The following RANBP2 variants were observed in gnomAD, a reference collection of about 807,000 sequenced individuals.
RANBP2 encodes RAN binding protein 2, also known as E3 SUMO-protein ligase RanBP2.
In RANBP2, 57 loss-of-function variants were observed where a neutral mutation model predicts 303.6. That is an observed-to-expected ratio of 0.19 (90% CI 0.15 to 0.23). The LOEUF (loss-of-function observed/expected upper bound fraction) is 0.23, where lower values mean the gene tolerates loss of function less well. RANBP2 is among the 10% of genes least tolerant of loss of function. RANBP2 has a pLI of 1.00. For synonymous variants in RANBP2, 1,167 were observed against 1,301.5 expected (o/e 0.90, Z 2.23); for missense variants, 3,138 against 3,780.8 (o/e 0.83, Z 4.46).
At chr2:109,514,438 C>G in the RANBP2 span, among the ~76,000 whole-genome samples, 1 of 152,160 alleles carries the variant, frequency 6.6e-6, no homozygotes, top group Non-Finnish European at 1.5e-5. Context: ...GTGCACAGCT[C>G]AGACCTCCAT....
chr2:109,426,393 C>T, the RANBP2 span, among the ~76,000 whole-genome samples: 1 of 152,210 alleles, frequency 6.6e-6, no homozygotes, highest in Non-Finnish European at 1.5e-5. Flanking sequence ...TTCTTCCAAT[C>T]CTCATGGATG....
chr2:109,616,834 C>T, the RANBP2 span: 4 of 167,158 alleles, frequency 2.4e-5, no homozygotes, highest in African/African-American at 7.2e-5. Flanking sequence ...TTAAAGAGAA[C>T]ACTTAGCAGC....
chr2:109,077,365 T>TTCCACTTAATGAATAAAG, the RANBP2 span, among the ~76,000 whole-genome samples: 1 of 150,616 alleles, frequency 6.6e-6, no homozygotes, highest in Non-Finnish European at 1.5e-5. Flanking sequence ...GATGATCTGC[T>TTCCACTTAATGAATAAAG]TCCACTTAAT....
At chr2:109,680,284 C>T in the RANBP2 span, among the ~76,000 whole-genome samples, 11 of 151,234 alleles carry the variant, frequency 7.3e-5, no homozygotes, top group Middle Eastern at 3.4e-3. Context: ...ACCCCGGAGG[C>T]GGAGCTTGCA....
chr2:109,695,536 G>A, the RANBP2 span, among the ~76,000 whole-genome samples: 4 of 152,122 alleles, frequency 2.6e-5, no homozygotes, highest in East Asian at 7.7e-4. Context: ...CGGTGGGGCT[G>A]GTGGTTCAGC....
chr2:109,066,138 T>C, the RANBP2 span, among the ~76,000 whole-genome samples: 1 of 150,322 alleles, frequency 6.7e-6, no homozygotes, highest in Admixed American at 6.6e-5. Flanking sequence ...AGACATAGTA[T>C]CGCTCTGTCC....
the RANBP2 span, among the ~76,000 whole-genome samples, chr2:108,953,529 G>T: frequency 6.6e-6 from 1 of 152,228 alleles, no homozygotes; most frequent in East Asian, 1.9e-4. Context: ...AAGGCTCACG[G>T]TCCTGTGCTG....
At chr2:109,485,257 C>T in the RANBP2 span, among the ~76,000 whole-genome samples, 3 of 152,224 alleles carry the variant, frequency 2.0e-5, no homozygotes, top group Admixed American at 1.3e-4. Flanking sequence ...AGCCACCTGT[C>T]TCCACATGGC....
the RANBP2 span, among the ~76,000 whole-genome samples, chr2:108,858,804 G>T: frequency 6.6e-6 from 1 of 151,870 alleles, no homozygotes; most frequent in Non-Finnish European, 1.5e-5. Flanking sequence ...CGTCATTTAG[G>T]ATAATGGCAT....
At chr2:109,454,149 A>G in the RANBP2 span, among the ~76,000 whole-genome samples, 2 of 152,258 alleles carry the variant, frequency 1.3e-5, no homozygotes, top group Admixed American at 6.5e-5. Context: ...ACTGCTTAAT[A>G]TACACATTCA....
the RANBP2 span, among the ~76,000 whole-genome samples, chr2:108,880,570 G>A: frequency 3.3e-5 from 5 of 152,222 alleles, no homozygotes; most frequent in Non-Finnish European, 5.9e-5. Context: ...TAATGGAGCT[G>A]GTGACTTTGA....
At chr2:109,727,089 A>G in the RANBP2 span, among the ~76,000 whole-genome samples, 15 of 152,352 alleles carry the variant, frequency 9.8e-5, no homozygotes, top group Non-Finnish European at 1.8e-4. Flanking sequence ...AGCACTGTGC[A>G]TCACCTTCAC....
At chr2:108,955,798 G>C in the RANBP2 span, among the ~76,000 whole-genome samples, 3 of 152,144 alleles carry the variant, frequency 2.0e-5, no homozygotes, top group Non-Finnish European at 4.4e-5. Flanking sequence ...AGGCCGAGGC[G>C]GGCAGACCAC....
chr2:108,727,056 A>T (rs1694777062), intron 1 of RANBP2, among the ~76,000 whole-genome samples: 1 of 152,112 alleles, frequency 6.6e-6, no homozygotes, highest in South Asian at 2.1e-4. Flanking sequence ...CACGGCAACC[A>T]TCCGATTTCT....
chr2:109,024,344 A>G, the RANBP2 span, among the ~76,000 whole-genome samples: 6 of 152,346 alleles, frequency 3.9e-5, no homozygotes, highest in African/African-American at 1.2e-4. Context: ...CAAAATATCA[A>G]TTCAAGTCTG....
the RANBP2 span, among the ~76,000 whole-genome samples, chr2:109,086,006 A>C: frequency 6.6e-6 from 1 of 152,206 alleles, no homozygotes; most frequent in South Asian, 2.1e-4. Context: ...TAGGGAGTTC[A>C]TATTAGTGGA....
chr2:108,772,883 G>A lies in RANBP2; in HGVS notation c.8129G>A (p.Cys2710Tyr). 1 of 1,613,852 alleles carries A rather than the reference G, an allele frequency of 6.2e-7. No individual in the cohort carries two copies. The highest frequency in any genetic ancestry group is 8.5e-7 in the Non-Finnish European group (1 of 1,179,876). ...EENTADNEKECIIVWEKKPTV... is the reference protein window; with the variant it reads ...EENTADNEKEYIIVWEKKPTV... ...GATTTTTCAGATAATGAGAAAGAAT[G>A]TATTATTGTTTGGGAAAAGAAACCA... Residue 2710 changes from cysteine (C) to tyrosine (Y), a missense_variant, in exon 23 of 29, where the codon TGT becomes TAT. Physicochemically the swap from Cys to Tyr is radical, Grantham distance 194. Around this residue, in one of 20 missense-constraint regions of RANBP2, gnomAD observed 497 missense variants for 465.8 expected, o/e 1.07. Coordinates refer to ENST00000283195, the MANE Select transcript of RANBP2 (RefSeq NM_006267.5).
chr2:109,012,191 C>T, the RANBP2 span, among the ~76,000 whole-genome samples: 2 of 152,190 alleles, frequency 1.3e-5, no homozygotes, highest in African/African-American at 4.8e-5. Flanking sequence ...AGAGCCACAT[C>T]TTTGGGAACT....
At chr2:109,144,673 C>T in the RANBP2 span, among the ~76,000 whole-genome samples, 2 of 152,226 alleles carry the variant, frequency 1.3e-5, no homozygotes, top group African/African-American at 4.8e-5. Context: ...TTCCCCGAGT[C>T]CTTATGCCAC....
Sources: allele counts gnomAD v4.1 joint callset (sites outside exome capture counted in the v4.1 genomes callset), GRCh38; gene constraint gnomAD v4.1.1; regional missense constraint gnomAD v4.1.1; transcripts MANE v1.5; gene names NCBI Gene and HGNC (gene_info 2026-07-23, HGNC 2026-07-21).